Variants in LUZP2 observed in about 807,000 individuals in gnomAD.
LUZP2 encodes the protein leucine zipper protein 2.
In LUZP2, 52 loss-of-function variants were observed where a neutral mutation model predicts 51.6. The observed-to-expected ratio is 1.01, with a 90% CI of 0.81 to 1.27. The LOEUF (loss-of-function observed/expected upper bound fraction) is 1.27. LUZP2 is among the 50% of genes most tolerant of loss of function. The pLI, the probability that LUZP2 is intolerant of heterozygous loss-of-function variation, is 0.00. For synonymous variants in LUZP2, 154 were observed against 137.3 expected (o/e 1.12, Z -0.85); for missense variants, 436 against 395.4 (o/e 1.10, Z -0.87).
At chr11:24,982,921 A>G (rs974850166) in intron 8 of LUZP2, among the ~76,000 whole-genome samples, 2 of 151,854 alleles carry the variant, frequency 1.3e-5, no homozygotes, top group African/African-American at 2.4e-5. Flanking sequence ...TGTTCAAAAT[A>G]TATCATGAAA....
chr11:24,975,250 GAT>G (rs1313967893), intron 7 of LUZP2, among the ~76,000 whole-genome samples: 2 of 151,958 alleles, frequency 1.3e-5, no homozygotes, highest in Non-Finnish European at 2.9e-5. Flanking sequence ...TATATTAAAA[GAT>G]GAGTAATATT....
chr11:24,754,877 G>T (rs1461890672), intron 4 of LUZP2, among the ~76,000 whole-genome samples: 1 of 152,160 alleles, frequency 6.6e-6, no homozygotes, highest in Non-Finnish European at 1.5e-5. Flanking sequence ...TGGGCTTGGT[G>T]GCTCACATCT....
chr11:24,989,524 A>C (rs1856275523), intron 9 of LUZP2, among the ~76,000 whole-genome samples: 1 of 152,142 alleles, frequency 6.6e-6, no homozygotes, highest in South Asian at 2.1e-4. Context: ...TCATGATATC[A>C]ATTCAAAGGT....
intron 11 of LUZP2, 79 bp from the exon 12 acceptor site, chr11:25,078,475 T>C: frequency 9.3e-7 from 1 of 1,074,732 alleles, no homozygotes; most frequent in East Asian, 2.4e-5. Context: ...TCCATTCTTA[T>C]TCTTTTAGAC....
intron 9 of LUZP2, among the ~76,000 whole-genome samples, chr11:24,997,161 A>G (rs1349224239): frequency 6.6e-6 from 1 of 150,410 alleles, no homozygotes; most frequent in African/African-American, 2.4e-5. Context: ...GTCAAATGGT[A>G]TTTCTAGTTC....
At chr11:24,525,207 AT>A (rs113210866) in intron 1 of LUZP2, among the ~76,000 whole-genome samples, 5 of 151,494 alleles carry the variant, frequency 3.3e-5, no homozygotes, top group Non-Finnish European at 4.4e-5. Context: ...CCATATACAT[AT>A]TTTTCCCTAT....
At position 24,838,002 on chromosome 11, in the gene LUZP2, T is replaced by A. The variant is rs1053026938; in HGVS notation, c.397-67989T>A. ...ACAGGTAATGTGTATTAAACATGTA[T>A]ATATCAGGCACTGTTGTTAGCCCTT... On this transcript the variant is annotated intron_variant, in intron 5 of 11. Coordinates refer to ENST00000336930, the MANE Select transcript of LUZP2 (RefSeq NM_001009909.4). 5.9e-5 allele frequency among the ~76,000 whole-genome samples: 9 copies of A among 151,712 alleles called. No individual in the cohort carries two copies. The East Asian group carries it at 1.7e-3, about 29-fold the overall frequency.
intron 9 of LUZP2, among the ~76,000 whole-genome samples, chr11:24,988,536 A>T (rs975518511): frequency 6.6e-6 from 1 of 152,050 alleles, no homozygotes; most frequent in African/African-American, 2.4e-5. Flanking sequence ...ATGTTAGAAG[A>T]ATCTATGGAT....
At chr11:24,820,432 A>G (rs1850323875) in intron 5 of LUZP2, among the ~76,000 whole-genome samples, 1 of 152,172 alleles carries the variant, frequency 6.6e-6, no homozygotes, top group Admixed American at 6.5e-5. Flanking sequence ...AAATGAGAAC[A>G]TGGAGTTAAT....
intron 8 of LUZP2, among the ~76,000 whole-genome samples, chr11:24,982,339 C>A (rs1280090178): frequency 6.6e-6 from 1 of 151,780 alleles, no homozygotes; most frequent in African/African-American, 2.4e-5. Context: ...TTCACAATAA[C>A]AAAGACATAG....
At chr11:24,532,874 C>A (rs898277308) in intron 1 of LUZP2, among the ~76,000 whole-genome samples, 1 of 150,948 alleles carries the variant, frequency 6.6e-6, no homozygotes, top group African/African-American at 2.4e-5. Flanking sequence ...TATAATAAAA[C>A]CTTTCATCAA....
At chr11:24,959,890 T>A (rs1200999912) in intron 7 of LUZP2, among the ~76,000 whole-genome samples, 1 of 152,228 alleles carries the variant, frequency 6.6e-6, no homozygotes, top group Non-Finnish European at 1.5e-5. Flanking sequence ...TGTGGGTTTG[T>A]CATAGATAGC....
chr11:24,771,800 G>C (rs1318000467), intron 5 of LUZP2, among the ~76,000 whole-genome samples: 1 of 152,058 alleles, frequency 6.6e-6, no homozygotes, highest in African/African-American at 2.4e-5. Context: ...AGTCTCATGA[G>C]ATCTGATGGT....
At chr11:24,511,455 T>G (rs1252229417) in intron 1 of LUZP2, among the ~76,000 whole-genome samples, 1 of 152,114 alleles carries the variant, frequency 6.6e-6, no homozygotes, top group African/African-American at 2.4e-5. Context: ...GAATCACTAT[T>G]TCAGCTTACA....
intron 1 of LUZP2, among the ~76,000 whole-genome samples, chr11:24,619,060 G>T (rs1854401352): frequency 6.6e-6 from 1 of 151,144 alleles, no homozygotes; most frequent in South Asian, 2.1e-4. Flanking sequence ...GATAGGTCTT[G>T]CTTTTTTACC....
chr11:24,636,000 T>A (rs1855092175), intron 1 of LUZP2, among the ~76,000 whole-genome samples: 1 of 152,126 alleles, frequency 6.6e-6, no homozygotes, highest in Admixed American at 6.6e-5. Flanking sequence ...GAAATCACAC[T>A]GGGTGGCAAT....
Position 25,023,853 on chromosome 11 carries a change from C to T in LUZP2, c.766-26185C>T, listed in dbSNP as rs190785595. 3.9e-4 allele frequency among the ~76,000 whole-genome samples: 59 copies of T among 152,234 alleles called. 1 individual carries two copies. In the East Asian group the frequency reaches 7.9e-3, roughly 20 times the overall value. Reference sequence around the variant, plus strand: ...GTTGTGTCTTTGTTCTCATTGGTTACAAAGAATATCTTTATTTCTGTCTTC... The same window carrying T: ...GTTGTGTCTTTGTTCTCATTGGTTATAAAGAATATCTTTATTTCTGTCTTC... On this transcript the variant is annotated intron_variant, in intron 9 of 11. Coordinates refer to ENST00000336930, the MANE Select transcript of LUZP2 (RefSeq NM_001009909.4).
rs555653909 is a variant in LUZP2, at chr11:24,855,830, G to C, written c.397-50161G>C. 7.9e-5 allele frequency among the ~76,000 whole-genome samples: 12 copies of C among 152,198 alleles called. No homozygotes were observed. The South Asian group carries it at 2.5e-3, about 32-fold the overall frequency. ...ACATATCCACAGCAAACTAATGTTT[G>C]ACAAAGTCAATTAGAGCATACACAG... is the stretch of plus-strand genomic sequence containing the variant. On this transcript the variant is annotated intron_variant, in intron 5 of 11. Transcript: ENST00000336930.
intron 5 of LUZP2, among the ~76,000 whole-genome samples, chr11:24,894,678 C>T (rs955102449): frequency 9.2e-6 from 1 of 109,198 alleles, no homozygotes; most frequent in Non-Finnish European, 1.9e-5. Context: ...ATGTTTAACT[C>T]CCTCTTATAC....
Sources: allele counts gnomAD v4.1 joint callset (sites outside exome capture counted in the v4.1 genomes callset), GRCh38; gene constraint gnomAD v4.1.1; transcripts MANE v1.5; gene names NCBI Gene and HGNC (gene_info 2026-07-23, HGNC 2026-07-21).